LRRC56: variants seen among roughly 807,000 people sequenced by gnomAD.
LRRC56 encodes leucine rich repeat containing 56, also known as leucine-rich repeat-containing protein 56.
Under a neutral mutation model 47.8 loss-of-function variants are expected in LRRC56, and 41 were observed. The observed-to-expected ratio is 0.86, with a 90% confidence interval of 0.67 to 1.11. The LOEUF (loss-of-function observed/expected upper bound fraction) is 1.11, where lower values mean the gene tolerates loss of function less well. Among genes scored for constraint, LRRC56 ranks in the 50% most tolerant of loss-of-function variants. The probability of loss-of-function intolerance (pLI) is 0.00; values close to 1 mark genes in which losing one functional copy is unlikely to be tolerated. For missense variants in LRRC56, 759 were observed against 704.2 expected, an observed-to-expected ratio of 1.08 and a Z score of -0.88; for synonymous variants, 387 against 311.2, an observed-to-expected ratio of 1.24 and a Z score of -2.56.
the LRRC56 span, among the ~76,000 whole-genome samples, chr11:531,056 G>C: frequency 9.1e-6 from 1 of 109,974 alleles, no homozygotes; most frequent in Non-Finnish European, 1.9e-5. Flanking sequence ...CCCCTGGAGA[G>C]AAGGGCGAGT....
chr11:510,423 G>A, the LRRC56 span, among the ~76,000 whole-genome samples: 1 of 151,860 alleles, frequency 6.6e-6, no homozygotes, highest in African/African-American at 2.4e-5. Flanking sequence ...CCAACATGGT[G>A]AAACCCCATC....
At chr11:518,983 C>T in the LRRC56 span, among the ~76,000 whole-genome samples, 1 of 152,130 alleles carries the variant, frequency 6.6e-6, no homozygotes, top group African/African-American at 2.4e-5. Context: ...AGACGCGGCG[C>T]GCTTACGAGG....
At chr11:534,041 C>G (rs1416002692), upstream of LRRC56, 4 of 1,367,782 alleles carry the variant, frequency 2.9e-6, no homozygotes, top group African/African-American at 5.7e-5. Context: ...CCCCTCATGC[C>G]CCCTCCTCTC....
chr11:531,330 G>A, the LRRC56 span, among the ~76,000 whole-genome samples: 2 of 152,176 alleles, frequency 1.3e-5, no homozygotes, highest in Admixed American at 1.3e-4. Context: ...CCCCGTCCCA[G>A]AGGGGCCTGG....
the LRRC56 span, among the ~76,000 whole-genome samples, chr11:516,685 T>A: frequency 6.6e-6 from 1 of 152,194 alleles, no homozygotes; most frequent in African/African-American, 2.4e-5. Flanking sequence ...ACATCTGTGA[T>A]CCCAGCACTT....
chr11:534,630 A>C (rs1483454323), upstream of LRRC56: 2 of 494,026 alleles, frequency 4.0e-6, no homozygotes, highest in Non-Finnish European at 7.4e-6. Flanking sequence ...CTGACAGCTG[A>C]GCGCTCTCAA....
upstream of LRRC56, chr11:533,821 G>C (rs193163027): frequency 6.2e-7 from 1 of 1,613,390 alleles, no homozygotes; most frequent in Non-Finnish European, 8.5e-7. Flanking sequence ...AACACACACA[G>C]GAAGCCCTCC....
chr11:512,504 G>A, the LRRC56 span, among the ~76,000 whole-genome samples: 4 of 152,140 alleles, frequency 2.6e-5, no homozygotes, highest in African/African-American at 9.7e-5. Flanking sequence ...CAAAGTGCTG[G>A]GATGACACTG....
chr11:554,783 G>C lies in LRRC56; in HGVS notation c.*507G>C, dbSNP rs987622412. 1.2e-5 allele frequency: 6 copies of C among 521,480 alleles called. No homozygotes were observed. In the African/African-American group the frequency reaches 1.2e-4, roughly 11 times the overall value. The allele number at this position is 521,480 out of a possible 1,614,324, so 32.3% of individuals were successfully genotyped here. The stretch of plus-strand genomic sequence containing the variant: ...GGGATCTGTAGGGTTCCCGCACTGC[G>C]ATAGGGCGGCCCGTTCCCTCCTCTT... On this transcript the variant is annotated 3_prime_UTR_variant, in exon 14 of 14. Transcript: ENST00000270115.
At chr11:531,514 T>C in the LRRC56 span, among the ~76,000 whole-genome samples, 37,097 of 152,004 alleles carry the variant, frequency 0.24, 4,933 homozygotes, top group African/African-American at 0.35. Context: ...AGAGCCTGTG[T>C]ATACCCAGCA....
upstream of LRRC56, chr11:534,044 C>A: frequency 7.3e-7 from 1 of 1,368,066 alleles, no homozygotes; most frequent in Non-Finnish European, 1.0e-6. Context: ...CTCATGCCCC[C>A]TCCTCTCCTG....
intron 8 of LRRC56, 26 bp from the exon 9 acceptor site, chr11:551,105 C>G: frequency 9.7e-6 from 9 of 928,356 alleles, no homozygotes; most frequent in South Asian, 1.8e-5. Flanking sequence ...GACCTGCCCT[C>G]CCTCCCCCTC....
chr11:532,711 C>G (rs2133982327), upstream of LRRC56: 1 of 1,613,204 alleles, frequency 6.2e-7, no homozygotes. Flanking sequence ...GCAGCTTGTG[C>G]TGCCGGATCT....
chr11:525,382 A>G, the LRRC56 span, among the ~76,000 whole-genome samples: 3 of 151,868 alleles, frequency 2.0e-5, no homozygotes, highest in African/African-American at 7.3e-5. Context: ...TACTAAAAAC[A>G]CAAAAAATTA....
At chr11:533,325 T>TC, upstream of LRRC56, 7 of 1,603,572 alleles carry the variant, frequency 4.4e-6, no homozygotes, top group Non-Finnish European at 5.9e-6. Flanking sequence ...TCCCAGAGGG[T>TC]CCCGGAGCTG....
chr11:545,157 T>C (rs1852006817), intron 6 of LRRC56, among the ~76,000 whole-genome samples: 1 of 152,146 alleles, frequency 6.6e-6, no homozygotes, highest in East Asian at 1.9e-4. Context: ...GTGTCTGCAA[T>C]GGGTGGGAGC....
the LRRC56 span, among the ~76,000 whole-genome samples, chr11:509,714 ATTTTTT>A: frequency 4.0e-5 from 5 of 125,208 alleles, no homozygotes; most frequent in Admixed American, 3.4e-4. Flanking sequence ...CGCCCGGCTA[ATTTTTT>A]TTTTTTTTTT....
At chr11:527,311 T>C in the LRRC56 span, among the ~76,000 whole-genome samples, 12 of 151,988 alleles carry the variant, frequency 7.9e-5, no homozygotes, top group Non-Finnish European at 7.4e-5. Context: ...AAAAAAAAAT[T>C]TGCAACGTGC....
In LRRC56 at chr11:554,876, T is replaced by C; in HGVS notation, c.*600T>C. On this transcript the variant is annotated 3_prime_UTR_variant, in exon 14 of 14. Transcript: ENST00000270115. ...CAGGTGTACAGAAATGCGGTTTACT[T>C]TGTAGGCCACGTTGGTTCAATAAAT... The C allele has an allele frequency of 1.2e-6, 1 of 805,256 alleles. No individual in the cohort carries two copies. Among genetic ancestry groups the C allele is most frequent in the African/African-American group, 1.8e-5 (1 of 54,136 alleles). The allele number at this position is 805,256 out of a possible 1,614,324, so 49.9% of individuals were successfully genotyped here. A position where few individuals can be genotyped will look rare whatever the true frequency, so the allele number is the denominator to read the frequency against.
Sources: allele counts gnomAD v4.1 joint callset (sites outside exome capture counted in the v4.1 genomes callset), GRCh38; gene constraint gnomAD v4.1.1; transcripts MANE v1.5; gene names NCBI Gene and HGNC (gene_info 2026-07-23, HGNC 2026-07-21).